The following MACROH2A2 variants were observed in gnomAD, a reference collection of about 807,000 sequenced individuals.
The protein encoded by MACROH2A2 is macroH2A.2 histone, also known as core histone macro-H2A.2.
In MACROH2A2, 6 loss-of-function variants were observed where a neutral mutation model predicts 37.6. That is an observed-to-expected ratio of 0.16 (90% CI 0.09 to 0.32). The LOEUF is 0.32. MACROH2A2 is among the 10% of genes least tolerant of loss of function. The pLI, the probability that MACROH2A2 is intolerant of heterozygous loss-of-function variation, is 1.00. For synonymous variants in MACROH2A2, 192 were observed against 202.7 expected (o/e 0.95, Z 0.45); for missense variants, 290 against 485.9 (o/e 0.60, Z 3.79).
In MACROH2A2 at chr10:70,075,866, A is replaced by G; in HGVS notation, c.172+36A>G. 1.3e-6 allele frequency: 2 copies of G among 1,576,552 alleles called. No individual in the cohort carries two copies. Among genetic ancestry groups the G allele is most frequent in the Non-Finnish European group, 8.7e-7 (1 of 1,152,944 alleles). On this transcript the variant is annotated intron_variant, in intron 2 of 8. Coordinates refer to ENST00000373255, the MANE Select transcript of MACROH2A2 (RefSeq NM_018649.3). The surrounding 1 kb of genome is among the most constrained non-coding windows in gnomAD (Gnocchi z 5.0). The stretch of plus-strand genomic sequence containing the variant: ...CACGCAAAGGAGGCTGCCTGCTCCC[A>G]GGTCCCCACCCTCCCCTGGGTCCCC...
chr10:70,106,866 T>C (rs137906597), intron 7 of MACROH2A2, among the ~76,000 whole-genome samples: 2,237 of 150,226 alleles, frequency 0.015, 20 homozygotes, highest in Non-Finnish European at 0.02. Flanking sequence ...AACATGATTA[T>C]ACTTTTAAAA....
chr10:70,069,021 C>T (rs573790979), intron 1 of MACROH2A2, among the ~76,000 whole-genome samples: 9 of 152,256 alleles, frequency 5.9e-5, no homozygotes, highest in Non-Finnish European at 1.0e-4. Context: ...CTTCTAGAGA[C>T]AGTAAAATGT....
chr10:70,071,930 C>CTTTATACGGTATAT (rs1222500029), intron 1 of MACROH2A2, among the ~76,000 whole-genome samples: 1 of 152,170 alleles, frequency 6.6e-6, no homozygotes, highest in Admixed American at 6.5e-5. Flanking sequence ...TTGTACACTA[C>CTTTATACGGTATAT]TGTAGACTTT....
At chr10:70,076,511 A>G (rs1369373806) in intron 2 of MACROH2A2, among the ~76,000 whole-genome samples, 1 of 152,142 alleles carries the variant, frequency 6.6e-6, no homozygotes, top group Non-Finnish European at 1.5e-5. Context: ...TTGTTCTCTT[A>G]TGTCATAGTT....
chr10:70,111,453 C>A, intron 8 of MACROH2A2, 65 bp from the exon 9 acceptor site: 7 of 1,428,188 alleles, frequency 4.9e-6, no homozygotes, highest in South Asian at 1.2e-5. Context: ...AAAACAAAGG[C>A]ACTTCATGCT....
chr10:70,099,177 C>T (rs1327918161), intron 6 of MACROH2A2: 1 of 152,250 alleles, frequency 6.6e-6, no homozygotes, highest in African/African-American at 2.4e-5. Context: ...TCAGTTGCAT[C>T]ATGGAAACCC....
At chr10:70,062,165 A>T (rs1418014486) in intron 1 of MACROH2A2, among the ~76,000 whole-genome samples, 1 of 152,234 alleles carries the variant, frequency 6.6e-6, no homozygotes, top group Non-Finnish European at 1.5e-5. Context: ...CCTTTAAAAT[A>T]TATTTCAATG....
At chr10:70,103,554 A>G (rs896461845) in intron 7 of MACROH2A2, among the ~76,000 whole-genome samples, 2 of 152,212 alleles carry the variant, frequency 1.3e-5, no homozygotes, top group African/African-American at 4.8e-5. Context: ...TAGAAAGTAG[A>G]AAAGCATTAT....
At chr10:70,106,689 T>G (rs550332608) in intron 7 of MACROH2A2, among the ~76,000 whole-genome samples, 3 of 151,258 alleles carry the variant, frequency 2.0e-5, no homozygotes, top group Admixed American at 2.0e-4. Context: ...TCCCAGCCAC[T>G]TGGGAAGCTG....
intron 1 of MACROH2A2, among the ~76,000 whole-genome samples, chr10:70,071,313 T>G (rs2072109061): frequency 6.6e-6 from 1 of 152,184 alleles, no homozygotes; most frequent in Non-Finnish European, 1.5e-5. Context: ...AAGCACATAA[T>G]TGGCTTAGGA....
chr10:70,092,931 T>G (rs963922963), intron 4 of MACROH2A2, among the ~76,000 whole-genome samples: 1 of 152,170 alleles, frequency 6.6e-6, no homozygotes, highest in Non-Finnish European at 1.5e-5. Context: ...ACTAGGTAGC[T>G]TAGCTCAGAG....
intron 1 of MACROH2A2, among the ~76,000 whole-genome samples, chr10:70,062,260 A>G (rs1305645889): frequency 6.6e-6 from 1 of 152,166 alleles, no homozygotes; most frequent in Non-Finnish European, 1.5e-5. Context: ...CCAAAGGATT[A>G]TTCTGAACTG....
At chr10:70,055,670 G>C (rs1310969276) in intron 1 of MACROH2A2, among the ~76,000 whole-genome samples, 4 of 152,164 alleles carry the variant, frequency 2.6e-5, no homozygotes, top group Non-Finnish European at 1.5e-5. Context: ...TGGGAAAACA[G>C]GTACTTTCAT....
In MACROH2A2 at chr10:70,081,379, G is replaced by A. The variant is rs77400011; in HGVS notation, c.172+5549G>A. Among the ~76,000 whole-genome samples, 307 of 152,234 alleles carry A rather than the reference G, an allele frequency of 2.0e-3. 1 individual carries two copies. The highest frequency in any genetic ancestry group is 7.0e-3 in the African/African-American group (290 of 41,522). On this transcript the variant is annotated intron_variant, in intron 2 of 8. Transcript: ENST00000373255. ...CAGGAGGTTCACATCGGTGTGTTAA[G>A]GCAGTGGAAGTGAGGGAGGTCACCC...
At chr10:70,056,017 G>C (rs1228816612) in intron 1 of MACROH2A2, among the ~76,000 whole-genome samples, 1 of 152,096 alleles carries the variant, frequency 6.6e-6, no homozygotes, top group Non-Finnish European at 1.5e-5. Context: ...AATGAAAAAA[G>C]CAAATTGCAG....
intron 1 of MACROH2A2, among the ~76,000 whole-genome samples, chr10:70,061,785 A>C (rs1015651419): frequency 6.6e-6 from 1 of 152,202 alleles, no homozygotes; most frequent in Non-Finnish European, 1.5e-5. Flanking sequence ...TCTAACATTC[A>C]TGGTTGGTTA....
At chr10:70,105,857 T>C (rs2072334581) in intron 7 of MACROH2A2, among the ~76,000 whole-genome samples, 1 of 151,996 alleles carries the variant, frequency 6.6e-6, no homozygotes, top group African/African-American at 2.4e-5. Context: ...CAGGAGTGAA[T>C]GGCCATTTTA....
chr10:70,078,139 G>A (rs776116647), intron 2 of MACROH2A2, among the ~76,000 whole-genome samples: 1 of 152,206 alleles, frequency 6.6e-6, no homozygotes, highest in Non-Finnish European at 1.5e-5. Context: ...GTTAGTCTTT[G>A]GTTCAGATGT....
rs554337437 is a variant in MACROH2A2, at chr10:70,056,841, C to A, written c.-60+3841C>A. ...CTAAAAGAACCCTCACAATTTTTTT[C>A]ATTGCCATTTAAGTCTGTGACTACC... On this transcript the variant is annotated intron_variant, in intron 1 of 8. Transcript: ENST00000373255. Among the ~76,000 whole-genome samples the A allele has an allele frequency of 3.3e-5, 5 of 152,238 alleles. No individual in the cohort carries two copies. In the South Asian group the frequency reaches 1.0e-3, roughly 32 times the overall value.
Sources: gnomAD v4.1 joint callset for allele counts (sites outside exome capture counted in the v4.1 genomes callset) on GRCh38, gnomAD v4.1.1 for gene constraint, Gnocchi (gnomAD v3.1) non-coding constraint, MANE v1.5 for transcripts, NCBI Gene and HGNC (gene_info 2026-07-23, HGNC 2026-07-21) for gene names.